The following GRHL2 variants were observed in gnomAD, a reference collection of about 807,000 sequenced individuals.
GRHL2 encodes the protein grainyhead like transcription factor 2, also known as grainyhead-like protein 2 homolog.
In GRHL2, 21 loss-of-function variants were observed where a neutral mutation model predicts 83.8. The ratio of observed to expected loss-of-function variants is 0.25; its 90% CI spans 0.18 to 0.36. The LOEUF is 0.36. Ranked by LOEUF, GRHL2 falls within the 10% of genes least tolerant of loss-of-function variation. The probability of loss-of-function intolerance (pLI) is 1.00; values close to 1 mark genes in which losing one functional copy is unlikely to be tolerated. For synonymous variants in GRHL2, 280 were observed against 278.9 expected (o/e 1.00, Z -0.04); for missense variants, 623 against 781.8 (o/e 0.80, Z 2.42).
chr8:101,613,799 C>A (rs918747999), intron 8 of GRHL2, among the ~76,000 whole-genome samples: 3 of 150,914 alleles, frequency 2.0e-5, no homozygotes, highest in Non-Finnish European at 4.4e-5. Context: ...CTTATGTATA[C>A]CTTGTACCTG....
At chr8:101,625,431 A>T (rs192693691) in intron 9 of GRHL2, among the ~76,000 whole-genome samples, 1 of 152,238 alleles carries the variant, frequency 6.6e-6, no homozygotes, top group East Asian at 1.9e-4. Flanking sequence ...AATGAGAGGG[A>T]CTTTAAGACA....
At chr8:101,524,443 C>G (rs867965696) in intron 1 of GRHL2, among the ~76,000 whole-genome samples, 7 of 151,958 alleles carry the variant, frequency 4.6e-5, no homozygotes, top group African/African-American at 1.2e-4. Flanking sequence ...AACTTTTTAG[C>G]CTTTGTTCCC....
chr8:101,532,758 A>G (rs895151426), intron 1 of GRHL2, among the ~76,000 whole-genome samples: 3 of 151,156 alleles, frequency 2.0e-5, no homozygotes, highest in Non-Finnish European at 1.5e-5. Flanking sequence ...CATCTCACAA[A>G]AAAAAAAAAA....
Position 101,626,238 on chromosome 8 carries a change from C to T in GRHL2, c.1258-5399C>T, listed in dbSNP as rs190587201. Among the ~76,000 whole-genome samples, 414 of 152,152 alleles carry T rather than the reference C, an allele frequency of 2.7e-3. 1 individual carries two copies. The highest frequency in any genetic ancestry group is 9.5e-3 in the African/African-American group (395 of 41,552). ...AAGAGATGGAATTCTGCACTATTTA[C>T]AGTTCTCCAGCTTGATTTCTAATTA... On this transcript the variant is annotated intron_variant, in intron 9 of 15. Transcript: ENST00000646743.
At chr8:101,590,834 C>CA (rs754514910) in intron 7 of GRHL2, among the ~76,000 whole-genome samples, 12 of 152,204 alleles carry the variant, frequency 7.9e-5, no homozygotes, top group Admixed American at 3.3e-4. Flanking sequence ...GAGCCATTTT[C>CA]AGCATTCCAG....
intron 1 of GRHL2, among the ~76,000 whole-genome samples, chr8:101,541,147 GGTGTGTGTGTGTGTGTGTGTGT>G (rs56763374): frequency 4.2e-5 from 6 of 144,258 alleles, no homozygotes; most frequent in Non-Finnish European, 6.1e-5. Context: ...ACTATTTCAT[GGTGTGTGTGTGTGTGTGTGTGT>G]GTGTGTGTGT....
chr8:101,529,977 G>A (rs879312099), intron 1 of GRHL2, among the ~76,000 whole-genome samples: 1 of 152,112 alleles, frequency 6.6e-6, no homozygotes. Flanking sequence ...GTTACTCTAG[G>A]TGTTTTACCA....
intron 14 of GRHL2, among the ~76,000 whole-genome samples, chr8:101,655,742 T>C (rs1586176144): frequency 6.6e-6 from 1 of 152,368 alleles, no homozygotes; most frequent in African/African-American, 2.4e-5. Context: ...ACTTTGATGA[T>C]TCAATTTGGC....
intron 2 of GRHL2, among the ~76,000 whole-genome samples, chr8:101,549,519 G>C (rs973263298): frequency 5.9e-5 from 9 of 152,172 alleles, no homozygotes; most frequent in South Asian, 2.1e-4. Flanking sequence ...CCAGGGGCAG[G>C]GGATGGGTTT....
chr8:101,580,301 G>A (rs928995750), intron 7 of GRHL2, among the ~76,000 whole-genome samples: 3 of 152,104 alleles, frequency 2.0e-5, no homozygotes, highest in African/African-American at 4.8e-5. Context: ...ATTTCTTTGT[G>A]TTCAGATTAT....
rs553720012 is a variant in GRHL2 at position 101,534,605 on chromosome 8, A to G, written c.21-8636A>G. 1.1e-4 allele frequency among the ~76,000 whole-genome samples: 16 copies of G among 152,140 alleles called. No homozygotes were observed. In the East Asian group the frequency reaches 3.1e-3, roughly 29 times the overall value. ...TAGGAGTCAAGGATCAATGAGGGCC[A>G]TATGGGAGGCTGGCTACCACAGAGA... On this transcript the variant is annotated intron_variant, in intron 1 of 15. Coordinates refer to ENST00000646743, the MANE Select transcript of GRHL2 (RefSeq NM_024915.4).
At chr8:101,620,326 G>T (rs1812940283) in intron 9 of GRHL2, among the ~76,000 whole-genome samples, 1 of 152,116 alleles carries the variant, frequency 6.6e-6, no homozygotes, top group Non-Finnish European at 1.5e-5. Context: ...GTAATACATT[G>T]TGCTATAAGT....
chr8:101,551,586 G>A (rs1811380412), intron 2 of GRHL2, among the ~76,000 whole-genome samples: 1 of 151,592 alleles, frequency 6.6e-6, no homozygotes, highest in East Asian at 1.9e-4. Context: ...GTGCAAAGGA[G>A]TTTGGCTAGA....
chr8:101,667,065 G>GAAC lies in GRHL2; in HGVS notation c.*364_*366dup, dbSNP rs1563635357. 2.9e-6 allele frequency: 1 copy of GAAC among 342,290 alleles called. No homozygotes were observed. The highest frequency in any genetic ancestry group is 3.9e-5 in the Admixed American group (1 of 25,894). 21.2% of individuals were successfully genotyped at this position (342,290 alleles called of 1,614,324 possible). A position where few individuals can be genotyped will look rare whatever the true frequency, so the allele number is the denominator to read the frequency against. Reference sequence around the variant, plus strand: ...CCCCTTCAAGAGAAACACTCATCCCGAACAGCCTAAAAAATTCCCATCCCT... The same window carrying GAAC: ...CCCCTTCAAGAGAAACACTCATCCCGAACAACAGCCTAAAAAATTCCCATCCCT... On this transcript the variant is annotated 3_prime_UTR_variant, in exon 16 of 16. Coordinates refer to ENST00000646743, the MANE Select transcript of GRHL2 (RefSeq NM_024915.4).
At chr8:101,524,719 G>A (rs969231489) in intron 1 of GRHL2, among the ~76,000 whole-genome samples, 1 of 151,856 alleles carries the variant, frequency 6.6e-6, no homozygotes, top group Non-Finnish European at 1.5e-5. Context: ...CTTTGAAATG[G>A]GTAGAGTCTT....
chr8:101,675,840 T>C, the GRHL2 span, among the ~76,000 whole-genome samples: 3 of 152,236 alleles, frequency 2.0e-5, no homozygotes, highest in African/African-American at 7.2e-5. Flanking sequence ...CAAAACAGCA[T>C]GGTACTGGTA....
chr8:101,531,992 AT>A (rs1462553039), intron 1 of GRHL2, among the ~76,000 whole-genome samples: 1 of 152,234 alleles, frequency 6.6e-6, no homozygotes, highest in Non-Finnish European at 1.5e-5. Flanking sequence ...TTTTCACTGA[AT>A]TAATTGAATC....
intron 14 of GRHL2, among the ~76,000 whole-genome samples, chr8:101,657,534 G>GACA (rs1038679220): frequency 2.0e-5 from 3 of 152,106 alleles, no homozygotes; most frequent in African/African-American, 7.2e-5. Flanking sequence ...GCTCAGTTGA[G>GACA]ACAACTTGAA....
At chr8:101,568,358 G>C (rs957184657) in intron 4 of GRHL2, among the ~76,000 whole-genome samples, 2 of 152,170 alleles carry the variant, frequency 1.3e-5, no homozygotes, top group Non-Finnish European at 2.9e-5. Flanking sequence ...CTTGACTCAT[G>C]GTGGCCCTCC....
Sources: gnomAD v4.1 joint callset for allele counts (sites outside exome capture counted in the v4.1 genomes callset) on GRCh38, gnomAD v4.1.1 for gene constraint, MANE v1.5 for transcripts, NCBI Gene and HGNC (gene_info 2026-07-23, HGNC 2026-07-21) for gene names.